AKT3: variants seen among roughly 807,000 people sequenced by gnomAD.
AKT3 encodes RAC-gamma serine/threonine-protein kinase.
Under a neutral mutation model 65.3 loss-of-function variants are expected in AKT3, and 15 were observed. The ratio of observed to expected loss-of-function variants is 0.23; its 90% confidence interval spans 0.15 to 0.35. The LOEUF (loss-of-function observed/expected upper bound fraction) is 0.35. Ranked by LOEUF, AKT3 falls within the 10% of genes least tolerant of loss-of-function variation. AKT3 has a pLI of 1.00. For synonymous variants in AKT3, 206 were observed against 183.8 expected, an observed-to-expected ratio of 1.12 and a Z score of -0.98; for missense variants, 243 against 576.5, an observed-to-expected ratio of 0.42 and a Z score of 5.92.
intron 3 of AKT3, among the ~76,000 whole-genome samples, chr1:243,685,015 T>C (rs944402119): frequency 1.3e-5 from 2 of 152,210 alleles, no homozygotes; most frequent in East Asian, 1.9e-4. Context: ...TTTTTTCCTG[T>C]AGATTTGTTT....
chr1:243,594,314 A>AATAGATTT (rs1288974104), intron 8 of AKT3, among the ~76,000 whole-genome samples: 2 of 152,246 alleles, frequency 1.3e-5, no homozygotes, highest in African/African-American at 2.4e-5. Context: ...AATATTCTTA[A>AATAGATTT]ATAGATTTAT....
At chr1:243,601,294 T>G (rs979844820) in intron 8 of AKT3, among the ~76,000 whole-genome samples, 8 of 152,036 alleles carry the variant, frequency 5.3e-5, no homozygotes, top group Non-Finnish European at 8.8e-5. Flanking sequence ...GATTTTAAGA[T>G]ACTTCAAAAA....
chr1:243,501,285 C>CTAAG lies in AKT3; in HGVS notation c.*3960_*3963dup. 1 of 233,116 alleles carries CTAAG rather than the reference C, an allele frequency of 4.3e-6. No homozygotes were observed. Among genetic ancestry groups the CTAAG allele is most frequent in the Middle Eastern group, 1.3e-3 (1 of 786 alleles). 14.4% of individuals were successfully genotyped at this position (233,116 alleles called of 1,614,324 possible). A position where few individuals can be genotyped will look rare whatever the true frequency, so the allele number is the denominator to read the frequency against. Reference sequence around the variant, plus strand: ...TCCTACCCATCTACATCACCCACGTCTAAGTTTGTTAATTTGCCATGACAT... The same window carrying CTAAG: ...TCCTACCCATCTACATCACCCACGTCTAAGTAAGTTTGTTAATTTGCCATGACAT... On this transcript the variant is annotated 3_prime_UTR_variant, in exon 14 of 14. Transcript: ENST00000673466.
chr1:243,650,375 T>C (rs1348958509), intron 4 of AKT3, among the ~76,000 whole-genome samples: 3 of 152,246 alleles, frequency 2.0e-5, no homozygotes, highest in East Asian at 1.9e-4. Flanking sequence ...TCTCTGATGA[T>C]AGTTTCTTTT....
intron 2 of AKT3, among the ~76,000 whole-genome samples, chr1:243,833,276 C>T (rs1350056016): frequency 4.6e-5 from 7 of 152,004 alleles, no homozygotes; most frequent in Non-Finnish European, 7.4e-5. Context: ...CAAAAAAAAC[C>T]TGCCAGAGAC....
At chr1:243,811,076 G>T (rs1001975963) in intron 2 of AKT3, among the ~76,000 whole-genome samples, 3 of 152,114 alleles carry the variant, frequency 2.0e-5, no homozygotes, top group African/African-American at 7.2e-5. Context: ...CATACTGAAT[G>T]GGCAAAAACT....
chr1:243,847,447 T>G (rs78310139), intron 1 of AKT3, among the ~76,000 whole-genome samples: 4,336 of 152,262 alleles, frequency 0.028, 231 homozygotes, highest in African/African-American at 0.098. Context: ...AGCTATCTTT[T>G]CACGAAAATA....
At chr1:243,724,439 G>A (rs974273042) in intron 2 of AKT3, among the ~76,000 whole-genome samples, 3 of 151,998 alleles carry the variant, frequency 2.0e-5, no homozygotes, top group African/African-American at 7.2e-5. Flanking sequence ...AATCAATAAG[G>A]AATTTAGTTT....
intron 2 of AKT3, among the ~76,000 whole-genome samples, chr1:243,696,511 T>C (rs983854130): frequency 6.6e-6 from 1 of 152,048 alleles, no homozygotes; most frequent in Non-Finnish European, 1.5e-5. Context: ...AGGTGCTCCA[T>C]GATGCTACAA....
chr1:243,550,932 C>T (rs530145063), intron 11 of AKT3, among the ~76,000 whole-genome samples: 1 of 127,504 alleles, frequency 7.8e-6, no homozygotes, highest in East Asian at 2.4e-4. Flanking sequence ...GCACTCCAGC[C>T]CAGACAACAG....
chr1:243,681,260 T>G (rs1302670685), intron 3 of AKT3, among the ~76,000 whole-genome samples: 1 of 152,190 alleles, frequency 6.6e-6, no homozygotes, highest in Non-Finnish European at 1.5e-5. Flanking sequence ...TATATATGTA[T>G]GTAAAATACG....
chr1:243,807,375 CAGG>C (rs755094015), intron 2 of AKT3, among the ~76,000 whole-genome samples: 3 of 152,206 alleles, frequency 2.0e-5, no homozygotes, highest in Non-Finnish European at 2.9e-5. Context: ...AACGGCACAC[CAGG>C]AGATTATATC....
intron 3 of AKT3, among the ~76,000 whole-genome samples, chr1:243,666,808 C>T (rs1376066589): frequency 1.3e-5 from 2 of 152,100 alleles, no homozygotes; most frequent in Non-Finnish European, 2.9e-5. Flanking sequence ...TAGAGTTGGA[C>T]AAAAATCATC....
chr1:243,700,307 A>G (rs1019929654), intron 2 of AKT3, among the ~76,000 whole-genome samples: 1 of 152,154 alleles, frequency 6.6e-6, no homozygotes, highest in Non-Finnish European at 1.5e-5. Context: ...ACTGTTTGCT[A>G]GAATTCATGG....
At chr1:243,790,570 T>G (rs192914782) in intron 2 of AKT3, among the ~76,000 whole-genome samples, 21 of 152,308 alleles carry the variant, frequency 1.4e-4, no homozygotes, top group Admixed American at 5.9e-4. Flanking sequence ...CTGTTTCGCT[T>G]TCTTATCATT....
At chr1:243,778,915 C>T (rs1028624505) in intron 2 of AKT3, among the ~76,000 whole-genome samples, 3 of 144,720 alleles carry the variant, frequency 2.1e-5, no homozygotes, top group Non-Finnish European at 4.5e-5. Flanking sequence ...ACTATTCTTC[C>T]GATTCTTTTT....
chr1:243,681,756 G>A (rs374154846), intron 3 of AKT3, among the ~76,000 whole-genome samples: 1 of 152,070 alleles, frequency 6.6e-6, no homozygotes, highest in Non-Finnish European at 1.5e-5. Context: ...GTTCTGCCAC[G>A]TACTTGCTTT....
At chr1:243,505,526 A>G (rs1669613115) in intron 13 of AKT3, among the ~76,000 whole-genome samples, 192 bp from the exon 14 acceptor site, 1 of 152,238 alleles carries the variant, frequency 6.6e-6, no homozygotes, top group Non-Finnish European at 1.5e-5. Flanking sequence ...TACATAGTCT[A>G]TGAAGAAATA....
At position 243,523,716 on chromosome 1, in the gene AKT3, T is replaced by TG. The variant is rs1352001613; in HGVS notation, c.1252-11291dup. Among the ~76,000 whole-genome samples the TG allele has an allele frequency of 2.0e-5, 3 of 152,196 alleles. No homozygotes were observed. The East Asian group carries it at 5.8e-4, about 29-fold the overall frequency. On this transcript the variant is annotated intron_variant, in intron 12 of 13. Coordinates refer to ENST00000673466, the MANE Select transcript of AKT3 (RefSeq NM_005465.7). Reference sequence around the variant, plus strand: ...TAACAGGTCCTTTACTCTTAAAATCTGGGTCAGGCAACCTCTGAAATACTT... The same window carrying TG: ...TAACAGGTCCTTTACTCTTAAAATCTGGGGTCAGGCAACCTCTGAAATACTT...
Sources: gnomAD v4.1 joint callset for allele counts (sites outside exome capture counted in the v4.1 genomes callset) on GRCh38, gnomAD v4.1.1 for gene constraint, MANE v1.5 for transcripts, NCBI Gene and HGNC (gene_info 2026-07-23, HGNC 2026-07-21) for gene names.